The following KCNC2 variants were observed in gnomAD, a reference collection of about 807,000 sequenced individuals.
KCNC2 encodes the protein potassium voltage-gated channel subfamily C member 2, also known as voltage-gated potassium channel KCNC2.
Under a neutral mutation model 44.5 loss-of-function variants are expected in KCNC2, and 21 were observed. The ratio of observed to expected loss-of-function variants is 0.47; its 90% CI spans 0.33 to 0.68. KCNC2 has a LOEUF of 0.68. KCNC2 is among the 30% of genes least tolerant of loss of function. KCNC2 has a pLI of 0.01. For synonymous variants in KCNC2, 391 were observed against 339.1 expected, an observed-to-expected ratio of 1.15 and a Z score of -1.68; for missense variants, 589 against 826.2, an observed-to-expected ratio of 0.71 and a Z score of 3.52.
chr12:75,164,493 G>A (rs1311195924), intron 2 of KCNC2, among the ~76,000 whole-genome samples: 1 of 151,604 alleles, frequency 6.6e-6, no homozygotes, highest in Non-Finnish European at 1.5e-5. Flanking sequence ...TCATATTTCT[G>A]ATACTTTGCC....
Position 75,207,735 on chromosome 12 carries a change from G to A in KCNC2, c.249C>T (p.Gly83=). 2 of 1,567,282 alleles carry A rather than the reference G, an allele frequency of 1.3e-6. No homozygotes were observed. Among genetic ancestry groups the A allele is most frequent in the Non-Finnish European group, 1.7e-6 (2 of 1,156,480 alleles). ...GPGGCFEGGA[G]NCSSRGGRAS... is the part of the protein sequence containing the mutation. ...CCCTGCCGCCGCGGGAACTGCAGTTGCCCGCGCCGCCCTCGAAGCAGCCGC... is the reference window on the plus strand; with the variant it reads ...CCCTGCCGCCGCGGGAACTGCAGTTACCCGCGCCGCCCTCGAAGCAGCCGC... The change falls in exon 2 of 5, where the codon GGC becomes GGT. Residue 83 remains glycine, a synonymous_variant. Transcript: ENST00000549446. The surrounding 1 kb of genome is among the most constrained non-coding windows in gnomAD (Gnocchi z 4.1).
In KCNC2 at chr12:75,199,954, A is replaced by C. The variant is rs78061199; in HGVS notation, c.687+7343T>G. On this transcript the variant is annotated intron_variant, in intron 2 of 4. Transcript: ENST00000549446. ...AGGTGTTACAAGCTGAAGGGAAAAA[A>C]AGTGGTTAAGTGCATAAGCAGGCTA... Among the ~76,000 whole-genome samples the C allele has an allele frequency of 3.7e-3, 569 of 151,954 alleles. 1 individual carries two copies. The highest frequency in any genetic ancestry group is 0.013 in the African/African-American group (535 of 41,496).
intron 2 of KCNC2, among the ~76,000 whole-genome samples, chr12:75,091,871 G>A (rs1252812793): frequency 6.6e-6 from 1 of 151,696 alleles, no homozygotes; most frequent in Non-Finnish European, 1.5e-5. Context: ...CATTTTGGAT[G>A]TAAGTTGGAA....
chr12:75,160,676 G>C (rs567657170), intron 2 of KCNC2, among the ~76,000 whole-genome samples: 1 of 151,764 alleles, frequency 6.6e-6, no homozygotes, highest in Non-Finnish European at 1.5e-5. Flanking sequence ...ATGCTTTTCT[G>C]GTAACAATGT....
intron 2 of KCNC2, among the ~76,000 whole-genome samples, chr12:75,051,816 C>T (rs559962334): frequency 6.6e-6 from 1 of 151,744 alleles, no homozygotes; most frequent in Non-Finnish European, 1.5e-5. Flanking sequence ...TTCTGGATAT[C>T]GTATGGTAAC....
chr12:75,110,544 A>C (rs1301046088), intron 2 of KCNC2, among the ~76,000 whole-genome samples: 1 of 152,088 alleles, frequency 6.6e-6, no homozygotes. Flanking sequence ...AACAAATATC[A>C]ACTGACCAGG....
chr12:75,063,701 T>A (rs529171198), intron 2 of KCNC2, among the ~76,000 whole-genome samples: 59 of 152,224 alleles, frequency 3.9e-4, no homozygotes, highest in African/African-American at 1.3e-3. Context: ...AATGACAATG[T>A]TGGTAGTAAA....
At chr12:75,113,374 A>G (rs570518415) in intron 2 of KCNC2, among the ~76,000 whole-genome samples, 1 of 152,316 alleles carries the variant, frequency 6.6e-6, no homozygotes, top group East Asian at 1.9e-4. Flanking sequence ...CACATATATC[A>G]GTCATTTAAA....
rs970985195 is a variant in KCNC2, at chr12:75,060,849, C to T, written c.688-9532G>A. 2.6e-5 allele frequency among the ~76,000 whole-genome samples: 4 copies of T among 152,070 alleles called. 1 individual carries two copies. Among genetic ancestry groups the T allele is most frequent in the Non-Finnish European group, 5.9e-5 (4 of 68,020 alleles). On this transcript the variant is annotated intron_variant, in intron 2 of 4. Transcript: ENST00000549446. Reference sequence around the variant, plus strand: ...ACCTTTTCTGATATGAATATCACCTCTCCTATCATGTACCAGGCTATTTAA... The same window carrying T: ...ACCTTTTCTGATATGAATATCACCTTTCCTATCATGTACCAGGCTATTTAA...
chr12:75,086,667 A>ATATATATATATAT (rs1370169387), intron 2 of KCNC2, among the ~76,000 whole-genome samples: 1 of 65,736 alleles, frequency 1.5e-5, no homozygotes, highest in African/African-American at 3.4e-5. Context: ...TGGCAAAAAA[A>ATATATATATATAT]AAAAAAAAAA....
At chr12:75,085,601 G>T (rs1439565888) in intron 2 of KCNC2, among the ~76,000 whole-genome samples, 4 of 151,988 alleles carry the variant, frequency 2.6e-5, no homozygotes. Flanking sequence ...CTATAGGCGG[G>T]CTGACATATT....
chr12:75,198,663 C>A (rs2030981299), intron 2 of KCNC2, among the ~76,000 whole-genome samples: 1 of 151,820 alleles, frequency 6.6e-6, no homozygotes, highest in Non-Finnish European at 1.5e-5. Flanking sequence ...ATTATGCCAT[C>A]ATTTCCGGTA....
intron 2 of KCNC2, among the ~76,000 whole-genome samples, chr12:75,117,166 A>C (rs966224153): frequency 6.6e-6 from 1 of 152,180 alleles, no homozygotes; most frequent in Non-Finnish European, 1.5e-5. Flanking sequence ...GTCTCTGTAC[A>C]CTGAGAAGCT....
intron 3 of KCNC2, 144 bp downstream of exon 3, chr12:75,050,246 G>T: frequency 3.1e-6 from 2 of 641,518 alleles, no homozygotes; most frequent in Non-Finnish European, 5.4e-6. Context: ...CTATCTACAA[G>T]CCTGACACAA....
chr12:75,177,057 T>TATATATATATATAC lies in KCNC2; in HGVS notation c.687+30239_687+30240insGTATATATATATAT, dbSNP rs1491339880. Among the ~76,000 whole-genome samples, 569 of 127,128 alleles carry TATATATATATATAC rather than the reference T, an allele frequency of 4.5e-3. 2 individuals are homozygous for TATATATATATATAC. The highest frequency in any genetic ancestry group is 0.016 in the African/African-American group (532 of 33,770). 83.4% of individuals were successfully genotyped at this position (127,128 alleles called of 152,430 possible). A position where few individuals can be genotyped will look rare whatever the true frequency, so the allele number is the denominator to read the frequency against. On this transcript the variant is annotated intron_variant, in intron 2 of 4. Transcript: ENST00000549446. ...TTATATATATATATATATATATATA[T>TATATATATATATAC]ACACACACACACTGTACTTCAACTC... is the stretch of plus-strand genomic sequence containing the variant.
At chr12:75,171,673 T>TG (rs1891829145) in intron 2 of KCNC2, among the ~76,000 whole-genome samples, 1 of 151,640 alleles carries the variant, frequency 6.6e-6, no homozygotes, top group African/African-American at 2.4e-5. Context: ...TACAGTTAGG[T>TG]GGAATAAGTT....
intron 2 of KCNC2, among the ~76,000 whole-genome samples, chr12:75,053,868 T>G (rs1160058452): frequency 6.7e-6 from 1 of 149,884 alleles, no homozygotes; most frequent in Admixed American, 6.7e-5. Flanking sequence ...AGAAAACAAC[T>G]TCGGCATTCT....
At chr12:75,182,528 AAAAAAAAAAC>A (rs1203277330) in intron 2 of KCNC2, among the ~76,000 whole-genome samples, 6 of 140,030 alleles carry the variant, frequency 4.3e-5, no homozygotes, top group African/African-American at 1.0e-4. Flanking sequence ...CTCAAAAAAA[AAAAAAAAAAC>A]AAAAAAAACA....
intron 2 of KCNC2, among the ~76,000 whole-genome samples, chr12:75,068,750 G>T (rs1426692678): frequency 1.3e-5 from 2 of 152,202 alleles, no homozygotes; most frequent in East Asian, 1.9e-4. Context: ...TTTGGAAAAT[G>T]GGAAGTAATC....
Sources: allele counts gnomAD v4.1 joint callset (sites outside exome capture counted in the v4.1 genomes callset), GRCh38; gene constraint gnomAD v4.1.1; non-coding constraint Gnocchi (gnomAD v3.1); transcripts MANE v1.5; gene names NCBI Gene and HGNC (gene_info 2026-07-23, HGNC 2026-07-21).